Variants in ZNF254 observed in about 807,000 individuals in gnomAD.
The protein encoded by ZNF254 is CTD-2017D11.1.
ZNF254 carries 10 observed loss-of-function variants against 12.4 expected under a neutral mutation model. The observed-to-expected ratio is 0.80, with a 90% CI of 0.50 to 1.36. ZNF254 has a LOEUF of 1.36. Among genes scored for constraint, ZNF254 ranks in the 40% most tolerant of loss-of-function variants. The pLI is 0.00. For synonymous variants in ZNF254, 305 were observed against 253.4 expected (o/e 1.20, Z -1.93); for missense variants, 996 against 763.9 (o/e 1.30, Z -3.58).
At chr19:24,061,677 AGTTG>A (rs1971072875) in intron 2 of ZNF254, among the ~76,000 whole-genome samples, 1 of 152,178 alleles carries the variant, frequency 6.6e-6, no homozygotes, top group Non-Finnish European at 1.5e-5. Flanking sequence ...TGTGCCAACA[AGTTG>A]GTTGGTAACA....
At chr19:24,042,489 G>GCTGTAACACTCACCGTGAA (rs1307248951) in intron 1 of ZNF254, among the ~76,000 whole-genome samples, 2 of 152,126 alleles carry the variant, frequency 1.3e-5, no homozygotes, top group Non-Finnish European at 1.5e-5. Flanking sequence ...GCTTTTAAGA[G>GCTGTAACACTCACCGTGAA]CTGTAACACT....
At chr19:24,100,778 C>G (rs2145762750) in intron 1 of ZNF254, among the ~76,000 whole-genome samples, 1 of 148,956 alleles carries the variant, frequency 6.7e-6, no homozygotes, top group African/African-American at 2.5e-5. Flanking sequence ...AGTTACAATA[C>G]TTAAGCTTGG....
rs530048241 is a variant in ZNF254 at position 24,117,686 on chromosome 19, G to A, written c.254-8568G>A. On this transcript the variant is annotated intron_variant, in intron 3 of 3. Coordinates refer to ENST00000357002, the MANE Select transcript of ZNF254 (RefSeq NM_203282.4). ...CCTAGCCCTGCTTCGGCTCTTCCAC[G>A]CTTTGCTGCCCCCACTGTCCTGCGC... Among the ~76,000 whole-genome samples the A allele has an allele frequency of 1.3e-4, 20 of 152,034 alleles. No homozygotes were observed. The South Asian group carries it at 3.3e-3, about 25-fold the overall frequency.
intron 3 of ZNF254, among the ~76,000 whole-genome samples, chr19:24,107,943 T>A (rs935446624): frequency 6.6e-6 from 1 of 152,172 alleles, no homozygotes; most frequent in East Asian, 1.9e-4. Context: ...GCTTGGATAG[T>A]TGTAATTCTC....
At chr19:24,098,174 C>A (rs1972783165) in intron 1 of ZNF254, among the ~76,000 whole-genome samples, 1 of 152,024 alleles carries the variant, frequency 6.6e-6, no homozygotes, top group Non-Finnish European at 1.5e-5. Context: ...TGTCTAATAT[C>A]CAAAGAAAAT....
At chr19:24,101,019 G>A (rs1041773964) in intron 1 of ZNF254, among the ~76,000 whole-genome samples, 3 of 151,918 alleles carry the variant, frequency 2.0e-5, no homozygotes, top group African/African-American at 4.8e-5. Context: ...TAGAGATAGG[G>A]TTTCTTCATG....
At chr19:24,086,656 T>C (rs1436634480), upstream of ZNF254, among the ~76,000 whole-genome samples, 1 of 152,016 alleles carries the variant, frequency 6.6e-6, no homozygotes, top group Non-Finnish European at 1.5e-5. Flanking sequence ...TTTGTATTTT[T>C]AGTAGAGATG....
chr19:24,075,359 C>A (rs568561830), intron 2 of ZNF254, among the ~76,000 whole-genome samples: 16 of 152,112 alleles, frequency 1.1e-4, no homozygotes, highest in Non-Finnish European at 1.9e-4. Context: ...AATGTAGGTT[C>A]TTTTCTGTTT....
chr19:24,072,578 T>A (rs1971521855), intron 2 of ZNF254, among the ~76,000 whole-genome samples: 1 of 152,196 alleles, frequency 6.6e-6, no homozygotes, highest in South Asian at 2.1e-4. Context: ...ACAAGAGGCC[T>A]TGTGACACAT....
chr19:24,062,941 C>G (rs908486554), intron 2 of ZNF254, among the ~76,000 whole-genome samples: 1 of 152,146 alleles, frequency 6.6e-6, no homozygotes, highest in African/African-American at 2.4e-5. Flanking sequence ...GCTGGGATTA[C>G]AGGTGCCCAC....
chr19:24,125,172 A>G (rs1201221240), intron 3 of ZNF254, among the ~76,000 whole-genome samples: 2 of 148,472 alleles, frequency 1.3e-5, no homozygotes, highest in Non-Finnish European at 3.0e-5. Context: ...TTTGTTATAA[A>G]TATCTTTTTG....
chr19:24,115,680 T>G (rs1974008314), intron 3 of ZNF254, among the ~76,000 whole-genome samples: 1 of 151,928 alleles, frequency 6.6e-6, no homozygotes, highest in Non-Finnish European at 1.5e-5. Flanking sequence ...ATAATAATAA[T>G]AAAAAAAGAA....
intron 2 of ZNF254, among the ~76,000 whole-genome samples, chr19:24,062,374 A>G (rs1178372658): frequency 6.6e-6 from 1 of 152,184 alleles, no homozygotes; most frequent in Non-Finnish European, 1.5e-5. Context: ...TGACTATCTT[A>G]TGTGAACATG....
At chr19:24,041,772 G>A (rs1599570745) in intron 1 of ZNF254, among the ~76,000 whole-genome samples, 1 of 152,388 alleles carries the variant, frequency 6.6e-6, no homozygotes, top group African/African-American at 2.4e-5. Context: ...AAGCCAGCTG[G>A]GCTCCTGAGT....
At chr19:24,094,539 G>A (rs1054859554) in intron 1 of ZNF254, among the ~76,000 whole-genome samples, 2 of 152,174 alleles carry the variant, frequency 1.3e-5, no homozygotes, top group Admixed American at 1.3e-4. Context: ...GATTACAGGC[G>A]TGAGTCACCT....
intron 1 of ZNF254, among the ~76,000 whole-genome samples, chr19:24,044,526 A>G (rs1970302524): frequency 6.9e-6 from 1 of 145,040 alleles, no homozygotes; most frequent in Non-Finnish European, 1.5e-5. Flanking sequence ...TGACAGAGCG[A>G]GACTCAGTCT....
intron 1 of ZNF254, among the ~76,000 whole-genome samples, chr19:24,087,616 C>CG (rs1972107422): frequency 6.6e-6 from 1 of 152,090 alleles, no homozygotes; most frequent in Non-Finnish European, 1.5e-5. Context: ...TTCAGGGACC[C>CG]GGGGAGGGTC....
intron 2 of ZNF254, among the ~76,000 whole-genome samples, chr19:24,071,187 A>G (rs1443486318): frequency 1.3e-5 from 2 of 152,154 alleles, no homozygotes; most frequent in Non-Finnish European, 2.9e-5. Flanking sequence ...CTTTTCCCTA[A>G]GAGACATTGT....
chr19:24,064,647 C>G (rs1971203298), intron 2 of ZNF254: 1 of 152,182 alleles, frequency 6.6e-6, no homozygotes, highest in Admixed American at 6.5e-5. Context: ...CAGCCTCAGC[C>G]CCCTGAGTAT....
Sources: allele counts gnomAD v4.1 joint callset (sites outside exome capture counted in the v4.1 genomes callset), GRCh38; gene constraint gnomAD v4.1.1; transcripts MANE v1.5; gene names NCBI Gene and HGNC (gene_info 2026-07-23, HGNC 2026-07-21).